UACA: variants seen among roughly 807,000 people sequenced by gnomAD.
UACA encodes the protein nuclear membrane binding protein.
In UACA, 112 loss-of-function variants were observed where a neutral mutation model predicts 160.5. That is an observed-to-expected ratio of 0.70 (90% CI 0.60 to 0.82). UACA has a LOEUF of 0.82. Ranked by LOEUF, UACA falls within the 40% of genes least tolerant of loss-of-function variation. UACA has a pLI of 0.00. For missense variants in UACA, 1,574 were observed against 1,614.6 expected, an observed-to-expected ratio of 0.97 and a Z score of 0.43; for synonymous variants, 557 against 568.4, an observed-to-expected ratio of 0.98 and a Z score of 0.29.
rs769242051 is a variant in UACA at position 70,669,086 on chromosome 15, G to A, written c.1598C>T (p.Ser533Leu). The change falls in exon 16 of 19, where the codon TCA becomes TTA. Residue 533 changes from serine (S) to leucine (L), a missense_variant. By Grantham distance (145) the Ser-to-Leu change is moderately radical. Transcript: ENST00000322954. ...LKEHLTSEAASGNHRLTEELK... is the reference protein window; with the variant it reads ...LKEHLTSEAALGNHRLTEELK... ...TTCCTCGGTTAGTCTGTGATTCCCT[G>A]AGGCTGCTTCACTTGTTAAGTGTTC... 7.2e-5 allele frequency: 116 copies of A among 1,613,890 alleles called. No individual in the cohort carries two copies. The highest frequency in any genetic ancestry group is 9.3e-5 in the Non-Finnish European group (110 of 1,179,994).
At chr15:70,754,157 T>C in intron 1 of UACA, 1 of 456,048 alleles carries the variant, frequency 2.2e-6, no homozygotes, top group Non-Finnish European at 4.4e-6. Flanking sequence ...GACAGTCATT[T>C]ATCCTAACTG....
At chr15:70,777,570 T>C in the UACA span, among the ~76,000 whole-genome samples, 1 of 152,290 alleles carries the variant, frequency 6.6e-6, no homozygotes, top group Non-Finnish European at 1.5e-5. Context: ...TATGGAGCCC[T>C]GGAAACCAAG....
chr15:70,774,616 G>A, the UACA span, among the ~76,000 whole-genome samples: 25,869 of 148,890 alleles, frequency 0.17, 3,513 homozygotes, highest in African/African-American at 0.38. Context: ...ATTATCAATC[G>A]TGTCATGTAG....
chr15:70,666,586 G>A, intron 16 of UACA, 138 bp downstream of exon 16: 1 of 675,066 alleles, frequency 1.5e-6, no homozygotes, highest in Non-Finnish European at 2.2e-6. Context: ...TTTCAATTCG[G>A]AATTTTTGCA....
At chr15:70,705,450 C>T (rs1401353092) in intron 1 of UACA, among the ~76,000 whole-genome samples, 1 of 151,950 alleles carries the variant, frequency 6.6e-6, no homozygotes, top group Non-Finnish European at 1.5e-5. Flanking sequence ...GAAGGAAAAT[C>T]GCTTGAACCC....
chr15:70,662,600 A>G (rs1414171650), intron 17 of UACA, among the ~76,000 whole-genome samples: 5 of 152,272 alleles, frequency 3.3e-5, no homozygotes, highest in African/African-American at 4.8e-5. Flanking sequence ...CATGCTACCT[A>G]ACTTCAAACT....
At chr15:70,687,722 A>C in intron 6 of UACA, 28 bp downstream of exon 6, 1 of 1,613,498 alleles carries the variant, frequency 6.2e-7, no homozygotes, top group African/African-American at 1.3e-5. Context: ...GCATGAGTTG[A>C]AATGAGAATA....
At chr15:70,718,324 A>ATGTGTG (rs59313425) in intron 1 of UACA, among the ~76,000 whole-genome samples, 8,488 of 60,144 alleles carry the variant, frequency 0.14, 1,302 homozygotes, top group Non-Finnish European at 0.17. Flanking sequence ...GAGAGAGAGA[A>ATGTGTG]TGTGTGTGTG....
intron 7 of UACA, among the ~76,000 whole-genome samples, chr15:70,685,921 C>T (rs912059444): frequency 3.4e-4 from 52 of 151,960 alleles, no homozygotes; most frequent in African/African-American, 1.2e-3. Flanking sequence ...ATTACAGGCA[C>T]GCACCACCAC....
rs746033972 is a variant in UACA at position 70,684,304 on chromosome 15, G to C, written c.745C>G (p.Leu249Val). ...YARIGDNLDI[L>V]TLLKTASENT... is the part of the protein sequence containing the mutation. The stretch of plus-strand genomic sequence containing the variant: ...TCCGATGCAGTCTTCAACAAGGTTA[G>C]AATGTCCAGATTGTCACCAATTCTT... The change falls in exon 8 of 19, where the codon CTA becomes GTA. Residue 249 changes from leucine to valine, a missense_variant. By Grantham distance (32) the Leu-to-Val change is conservative (BLOSUM62 1). Transcript: ENST00000322954. The C allele has an allele frequency of 3.7e-6, 6 of 1,613,416 alleles. No homozygotes were observed. Among genetic ancestry groups the C allele is most frequent in the African/African-American group, 1.3e-5 (1 of 74,894 alleles).
chr15:70,735,780 A>G (rs1899346784), intron 1 of UACA, among the ~76,000 whole-genome samples: 1 of 152,116 alleles, frequency 6.6e-6, no homozygotes, highest in South Asian at 2.1e-4. Context: ...GGCTCAAGTG[A>G]TCCTCCCACT....
intron 3 of UACA, among the ~76,000 whole-genome samples, chr15:70,692,547 T>C (rs1438797505): frequency 6.6e-6 from 1 of 152,138 alleles, no homozygotes; most frequent in African/African-American, 2.4e-5. Context: ...TAGGCAGGTG[T>C]ATTGCTTGAG....
At chr15:70,659,709 T>C (rs1295329815) in intron 18 of UACA, among the ~76,000 whole-genome samples, 1 of 151,992 alleles carries the variant, frequency 6.6e-6, no homozygotes, top group Non-Finnish European at 1.5e-5. Flanking sequence ...CCAAGCCAAG[T>C]TAAGGCTTGG....
intron 1 of UACA, among the ~76,000 whole-genome samples, chr15:70,721,382 C>T (rs549205514): frequency 5.3e-4 from 81 of 152,180 alleles, no homozygotes; most frequent in African/African-American, 1.7e-3. Context: ...TCCCAGCACT[C>T]TGGGAGGCCG....
chr15:70,769,759 G>A, the UACA span, among the ~76,000 whole-genome samples: 36 of 152,112 alleles, frequency 2.4e-4, 1 homozygote, highest in Non-Finnish European at 1.2e-4. Context: ...CATTTTGGGA[G>A]GCTGTGTCAG....
chr15:70,677,227 T>C, intron 11 of UACA, 87 bp from the exon 12 acceptor site: 1 of 1,034,092 alleles, frequency 9.7e-7, no homozygotes, highest in Admixed American at 2.2e-5. Flanking sequence ...TTAAAAAGAT[T>C]GGCAAATGTC....
At chr15:70,710,819 A>C (rs1330154232) in intron 1 of UACA, among the ~76,000 whole-genome samples, 1 of 152,210 alleles carries the variant, frequency 6.6e-6, no homozygotes, top group African/African-American at 2.4e-5. Context: ...GTGCCTCCAC[A>C]TGTTCAGCAA....
intron 12 of UACA, 81 bp from the exon 13 acceptor site, chr15:70,676,672 T>C: frequency 8.7e-7 from 1 of 1,149,456 alleles, no homozygotes; most frequent in Non-Finnish European, 1.3e-6. Flanking sequence ...AAACGTGAAT[T>C]GGAATTGCAT....
At chr15:70,686,276 C>G (rs941625754) in intron 7 of UACA, among the ~76,000 whole-genome samples, 2 of 151,612 alleles carry the variant, frequency 1.3e-5, no homozygotes, top group Non-Finnish European at 2.9e-5. Context: ...TTTAGGGAGA[C>G]AAAAGTTACA....
Sources: allele counts gnomAD v4.1 joint callset (sites outside exome capture counted in the v4.1 genomes callset), GRCh38; gene constraint gnomAD v4.1.1; transcripts MANE v1.5; gene names NCBI Gene and HGNC (gene_info 2026-07-23, HGNC 2026-07-21).